Variants in FGF12 observed in about 807,000 individuals in gnomAD.
FGF12 encodes the protein fibroblast growth factor 12.
A neutral mutation model predicts 23.6 loss-of-function variants in FGF12; 14 were observed. That is an observed-to-expected ratio of 0.59 (90% CI 0.39 to 0.93). The LOEUF (loss-of-function observed/expected upper bound fraction) is 0.93, where lower values mean the gene tolerates loss of function less well. Among genes scored for constraint, FGF12 ranks in the 40% least tolerant of loss-of-function variants. FGF12 has a pLI of 0.00. For missense variants in FGF12, 175 were observed against 217.8 expected, an observed-to-expected ratio of 0.80 and a Z score of 1.24; for synonymous variants, 62 against 77.3, an observed-to-expected ratio of 0.80 and a Z score of 1.04.
intron 4 of FGF12, among the ~76,000 whole-genome samples, chr3:192,311,598 A>G (rs985205384): frequency 6.6e-6 from 1 of 152,196 alleles, no homozygotes; most frequent in East Asian, 1.9e-4. Flanking sequence ...TAATGCTACT[A>G]TGGGTATGCA....
chr3:192,174,041 A>G (rs1234824256), intron 4 of FGF12, among the ~76,000 whole-genome samples: 2 of 152,180 alleles, frequency 1.3e-5, no homozygotes, highest in Admixed American at 6.5e-5. Context: ...ACTTCTTCCA[A>G]TGCCACACAT....
At chr3:192,614,794 T>C (rs1714686750) in intron 2 of FGF12, among the ~76,000 whole-genome samples, 1 of 151,878 alleles carries the variant, frequency 6.6e-6, no homozygotes, top group Admixed American at 6.6e-5. Flanking sequence ...TTTCTGTGAG[T>C]TCCTGGACTT....
chr3:192,505,113 T>C (rs1212294654), intron 2 of FGF12, among the ~76,000 whole-genome samples: 1 of 152,160 alleles, frequency 6.6e-6, no homozygotes, highest in Non-Finnish European at 1.5e-5. Context: ...TTTAAAATCA[T>C]GTTTGGGAGA....
At chr3:192,339,977 G>T (rs1717616746) in intron 3 of FGF12, among the ~76,000 whole-genome samples, 1 of 152,110 alleles carries the variant, frequency 6.6e-6, no homozygotes, top group Non-Finnish European at 1.5e-5. Context: ...AGATAAAAAT[G>T]AAATTAGAAA....
chr3:192,643,791 A>C (rs764760028), intron 2 of FGF12, among the ~76,000 whole-genome samples: 3 of 152,250 alleles, frequency 2.0e-5, no homozygotes, highest in Non-Finnish European at 4.4e-5. Flanking sequence ...CAAATAAGGG[A>C]AACTTCTTGG....
intron 4 of FGF12, among the ~76,000 whole-genome samples, chr3:192,322,883 A>C (rs1399421176): frequency 6.6e-6 from 1 of 152,210 alleles, no homozygotes; most frequent in Non-Finnish European, 1.5e-5. Context: ...AAGACCTCAA[A>C]GTATGAAACT....
At chr3:192,599,323 G>T (rs2108629652) in intron 2 of FGF12, among the ~76,000 whole-genome samples, 1 of 148,996 alleles carries the variant, frequency 6.7e-6, no homozygotes, top group South Asian at 2.1e-4. Context: ...CCTGAATTTA[G>T]GCCTTAACTT....
intron 2 of FGF12, among the ~76,000 whole-genome samples, chr3:192,534,617 C>A (rs1283420572): frequency 6.6e-6 from 1 of 152,098 alleles, no homozygotes; most frequent in Non-Finnish European, 1.5e-5. Context: ...GTACCGAACT[C>A]CTGACCTCAA....
At chr3:192,469,651 G>A (rs1465998689) in intron 2 of FGF12, among the ~76,000 whole-genome samples, 1 of 152,142 alleles carries the variant, frequency 6.6e-6, no homozygotes, top group Non-Finnish European at 1.5e-5. Context: ...CAGAGAATCT[G>A]TTCTGTGCTA....
At chr3:192,453,424 G>A (rs1722584527) in intron 2 of FGF12, among the ~76,000 whole-genome samples, 1 of 151,660 alleles carries the variant, frequency 6.6e-6, no homozygotes, top group Non-Finnish European at 1.5e-5. Flanking sequence ...GTTCTTGAAG[G>A]GTCATTAAGA....
intron 4 of FGF12, among the ~76,000 whole-genome samples, chr3:192,188,395 T>G (rs1307081167): frequency 1.3e-5 from 2 of 152,154 alleles, no homozygotes; most frequent in Non-Finnish European, 2.9e-5. Flanking sequence ...GTACTTAACC[T>G]CCAATTAGAG....
chr3:192,219,079 A>AT (rs1242692323), intron 4 of FGF12, among the ~76,000 whole-genome samples: 3 of 151,966 alleles, frequency 2.0e-5, no homozygotes, highest in South Asian at 2.1e-4. Flanking sequence ...ATCTATTTTT[A>AT]TTTTTTTTAA....
chr3:192,292,487 T>C (rs998988182), intron 4 of FGF12, among the ~76,000 whole-genome samples: 2 of 152,168 alleles, frequency 1.3e-5, no homozygotes, highest in Non-Finnish European at 2.9e-5. Context: ...AATGGAAACA[T>C]CTGAGTCAAT....
intron 2 of FGF12, among the ~76,000 whole-genome samples, chr3:192,503,229 T>C (rs936158104): frequency 3.9e-5 from 6 of 152,194 alleles, no homozygotes; most frequent in Admixed American, 3.9e-4. Flanking sequence ...TAAAAGTGAA[T>C]TTACTTTTTA....
chr3:192,623,870 G>C (rs1715062503), intron 2 of FGF12, among the ~76,000 whole-genome samples: 1 of 152,166 alleles, frequency 6.6e-6, no homozygotes, highest in Non-Finnish European at 1.5e-5. Context: ...AGGAGCCTCA[G>C]AAGTAATCAT....
At chr3:192,446,405 G>A (rs1394481120) in intron 2 of FGF12, among the ~76,000 whole-genome samples, 7 of 152,156 alleles carry the variant, frequency 4.6e-5, no homozygotes, top group African/African-American at 9.7e-5. Flanking sequence ...CAACACATCC[G>A]TTTCTAACAG....
At chr3:192,400,569 A>G (rs1720719671) in intron 2 of FGF12, among the ~76,000 whole-genome samples, 1 of 152,036 alleles carries the variant, frequency 6.6e-6, no homozygotes, top group Non-Finnish European at 1.5e-5. Flanking sequence ...GGGTTTCACC[A>G]TGTTGGCCAG....
chr3:192,716,722 G>T (rs898488858), intron 2 of FGF12, among the ~76,000 whole-genome samples: 1 of 152,158 alleles, frequency 6.6e-6, no homozygotes, highest in Non-Finnish European at 1.5e-5. Context: ...TTTAAGCTTG[G>T]TTCTTTATAT....
chr3:192,686,815 A>ATTTTTT lies in FGF12; in HGVS notation c.13+40360_13+40365dup, dbSNP rs57045697. Among the ~76,000 whole-genome samples, 66 of 61,488 alleles carry ATTTTTT rather than the reference A, an allele frequency of 1.1e-3. 5 individuals are homozygous for ATTTTTT. Among genetic ancestry groups the ATTTTTT allele is most frequent in the African/African-American group, 4.4e-3 (54 of 12,300 alleles). The allele number at this position is 61,488 out of a possible 152,430, so 40.3% of individuals were successfully genotyped here. ...AAAAAGACAATGACTTTTTTCTCTA[A>ATTTTTT]TTTTTTTTTTTTTTTTTTTTTTTTT... On this transcript the variant is annotated intron_variant, in intron 2 of 5. Transcript: ENST00000445105.
Sources: gnomAD v4.1 joint callset for allele counts (sites outside exome capture counted in the v4.1 genomes callset) on GRCh38, gnomAD v4.1.1 for gene constraint, MANE v1.5 for transcripts, NCBI Gene and HGNC (gene_info 2026-07-23, HGNC 2026-07-21) for gene names.